Variants in COL18A1 observed in about 807,000 individuals in gnomAD.
COL18A1 encodes collagen type XVIII alpha 1 chain, also known as collagen alpha-1(XVIII) chain.
A neutral mutation model predicts 168.0 loss-of-function variants in COL18A1; 133 were observed. The observed-to-expected ratio is 0.79, with a 90% CI of 0.69 to 0.91. The LOEUF (loss-of-function observed/expected upper bound fraction) is 0.91. Ranked by LOEUF, COL18A1 falls within the 40% of genes least tolerant of loss-of-function variation. COL18A1 has a pLI of 0.00. For synonymous variants in COL18A1, 949 were observed against 809.0 expected (o/e 1.17, Z -2.94); for missense variants, 2,126 against 1,925.4 (o/e 1.10, Z -1.95).
At chr21:45,438,134 AC>A in intron 2 of COL18A1, among the ~76,000 whole-genome samples, 1 of 119,772 alleles carries the variant, frequency 8.3e-6, no homozygotes, top group Non-Finnish European at 1.7e-5. Context: ...TCTCCTGCAC[AC>A]ACACACTCAC....
At chr21:45,483,996 GCA>G (rs36145639) in intron 15 of COL18A1, among the ~76,000 whole-genome samples, 13 of 39,738 alleles carry the variant, frequency 3.3e-4, no homozygotes, top group Admixed American at 1.5e-3. Flanking sequence ...ATGTACACAT[GCA>G]CACACACCTC....
At chr21:45,497,693 G>C (rs377619042) in intron 32 of COL18A1, 32 bp downstream of exon 32, 3 of 1,553,632 alleles carry the variant, frequency 1.9e-6, no homozygotes, top group Non-Finnish European at 2.6e-6. Context: ...AGGCAGGAGA[G>C]CCATGGCGTG....
chr21:45,490,179 A>G, intron 19 of COL18A1, 96 bp from the exon 20 acceptor site: 2 of 1,002,318 alleles, frequency 2.0e-6, no homozygotes, highest in Non-Finnish European at 3.0e-6. Context: ...AGTCCAGGCC[A>G]TCGCCACGTC....
chr21:45,413,520 C>G (rs2033358828), intron 2 of COL18A1, among the ~76,000 whole-genome samples: 1 of 152,262 alleles, frequency 6.6e-6, no homozygotes, highest in Non-Finnish European at 1.5e-5. Flanking sequence ...CAGCGAGGAG[C>G]TTTCTTGTGA....
In COL18A1 at chr21:45,480,085, G is replaced by A; in HGVS notation, c.1327G>A (p.Gly443Arg). The change falls in exon 11 of 42, where the codon GGA becomes AGA. Residue 443 changes from glycine (G) to arginine (R), a missense_variant. Physicochemically the swap from Gly to Arg is moderately radical, Grantham distance 125. Coordinates refer to ENST00000651438, the MANE Select transcript of COL18A1 (RefSeq NM_001379500.1). ...PKGDKGDPGV[G>R]ERGPPGPQGP... is the part of the protein sequence containing the mutation. The stretch of plus-strand genomic sequence containing the variant: ...GTGTTCCCAGGGAGACCCTGGGGTT[G>A]GAGAGAGAGGGCCCCCAGGACCCCA... 1 of 1,608,590 alleles carries A rather than the reference G, an allele frequency of 6.2e-7. No homozygotes were observed.
At chr21:45,456,930 G>C in intron 2 of COL18A1, 1 of 1,351,160 alleles carries the variant, frequency 7.4e-7, no homozygotes, top group Non-Finnish European at 9.7e-7. Context: ...TGCCTTGCCA[G>C]GTAAGTGTGG....
chr21:45,496,046 C>T (rs2036529636), intron 29 of COL18A1: 1 of 360,438 alleles, frequency 2.8e-6, no homozygotes, highest in Non-Finnish European at 5.4e-6. Context: ...TGTGGATTCT[C>T]AGCAGGGCAT....
intron 15 of COL18A1, among the ~76,000 whole-genome samples, chr21:45,484,352 A>G (rs1411591204): frequency 7.3e-6 from 1 of 136,288 alleles, no homozygotes; most frequent in African/African-American, 2.9e-5. Flanking sequence ...TCTCCAGCAT[A>G]TGTGCGCACA....
intron 4 of COL18A1, among the ~76,000 whole-genome samples, chr21:45,474,324 T>G (rs2035554451): frequency 2.0e-5 from 3 of 150,300 alleles, no homozygotes; most frequent in Admixed American, 2.0e-4. Context: ...TGTGTCTGTC[T>G]TGTGTGTTGT....
intron 2 of COL18A1, among the ~76,000 whole-genome samples, chr21:45,453,842 G>A (rs1246368369): frequency 6.6e-6 from 1 of 152,212 alleles, no homozygotes; most frequent in Non-Finnish European, 1.5e-5. Flanking sequence ...CCTTGTGCCT[G>A]GCTCTGCCCA....
intron 20 of COL18A1, 103 bp from the exon 21 acceptor site, chr21:45,490,733 C>A: frequency 2.4e-6 from 3 of 1,270,014 alleles, no homozygotes; most frequent in South Asian, 1.3e-5. Context: ...CCCAGCCGGT[C>A]GGGAAATAAA....
intron 26 of COL18A1, chr21:45,494,325 C>A: frequency 3.4e-6 from 2 of 590,468 alleles, no homozygotes; most frequent in Non-Finnish European, 6.0e-6. Context: ...AAACCCCAAA[C>A]CCGACCCTCC....
intron 3 of COL18A1, among the ~76,000 whole-genome samples, chr21:45,469,548 C>G (rs1212020804): frequency 1.3e-5 from 2 of 152,168 alleles, no homozygotes; most frequent in Admixed American, 6.5e-5. Context: ...CTCCAGTGGG[C>G]CTTCATTTCT....
intron 2 of COL18A1, among the ~76,000 whole-genome samples, chr21:45,459,636 C>G (rs2034975140): frequency 6.6e-6 from 1 of 152,222 alleles, no homozygotes; most frequent in Non-Finnish European, 1.5e-5. Context: ...GGTCAGCACA[C>G]AAGCAGGGAC....
At chr21:45,504,669 A>G in intron 34 of COL18A1, 113 bp downstream of exon 34, 1 of 900,522 alleles carries the variant, frequency 1.1e-6, no homozygotes, top group East Asian at 2.7e-5. Flanking sequence ...TGCCCCTGCA[A>G]GCTCAGCAGC....
chr21:45,449,361 C>A (rs1488784240), intron 2 of COL18A1, among the ~76,000 whole-genome samples: 3 of 152,182 alleles, frequency 2.0e-5, no homozygotes, highest in Non-Finnish European at 2.9e-5. Context: ...CTCGTGATCA[C>A]CCAGTGGAGG....
At chr21:45,472,350 AG>A (rs1382425232) in intron 3 of COL18A1, among the ~76,000 whole-genome samples, 1 of 152,028 alleles carries the variant, frequency 6.6e-6, no homozygotes, top group Non-Finnish European at 1.5e-5. Context: ...CAGCCTCCCA[AG>A]TAGCTGGGAC....
rs988450162 is a variant in COL18A1, at chr21:45,423,413, G to A, written c.106+17940G>A. Among the ~76,000 whole-genome samples the A allele has an allele frequency of 1.3e-5, 2 of 152,192 alleles. No individual in the cohort carries two copies. Among genetic ancestry groups the A allele is most frequent in the South Asian group, 4.1e-4 (2 of 4,832 alleles). ...TATTCAGTGATTTGCAGAGAGAAAG[G>A]CGTGGAGCTCCACAAGCACCTCGGA... On this transcript the variant is annotated intron_variant, in intron 2 of 41. Coordinates refer to ENST00000651438, the MANE Select transcript of COL18A1 (RefSeq NM_001379500.1). The surrounding 1 kb of genome is among the most constrained non-coding windows in gnomAD (Gnocchi z 4.0).
intron 39 of COL18A1, 138 bp downstream of exon 39, chr21:45,509,739 CAG>C: frequency 1.4e-6 from 1 of 710,898 alleles, no homozygotes; most frequent in Non-Finnish European, 2.5e-6. Context: ...CAGGGCCACT[CAG>C]GGCGGCTTGG....
Sources: allele counts gnomAD v4.1 joint callset (sites outside exome capture counted in the v4.1 genomes callset), GRCh38; gene constraint gnomAD v4.1.1; non-coding constraint Gnocchi (gnomAD v3.1); transcripts MANE v1.5; gene names NCBI Gene and HGNC (gene_info 2026-07-23, HGNC 2026-07-21).